ENOX1: variants seen among roughly 807,000 people sequenced by gnomAD.
ENOX1 encodes the protein candidate growth-related and time keeping constitutive hydroquinone (NADH) oxidase.
Under a neutral mutation model 82.5 loss-of-function variants are expected in ENOX1, and 42 were observed. That is an observed-to-expected ratio of 0.51 (90% CI 0.40 to 0.66). The LOEUF (loss-of-function observed/expected upper bound fraction) is 0.66. ENOX1 is among the 30% of genes least tolerant of loss of function. ENOX1 has a pLI of 0.00. For synonymous variants in ENOX1, 271 were observed against 282.2 expected (o/e 0.96, Z 0.40); for missense variants, 608 against 811.6 (o/e 0.75, Z 3.05).
intron 2 of ENOX1, among the ~76,000 whole-genome samples, chr13:43,595,943 TATTA>T (rs35133673): frequency 0.32 from 49,182 of 151,752 alleles, 10,644 homozygotes; most frequent in East Asian, 0.73. Flanking sequence ...TATATGCTCT[TATTA>T]ATTGTTTCTA....
chr13:43,744,346 A>G (rs1949909413), intron 1 of ENOX1, among the ~76,000 whole-genome samples: 1 of 152,136 alleles, frequency 6.6e-6, no homozygotes, highest in African/African-American at 2.4e-5. Flanking sequence ...GACCCTAATA[A>G]ACCCCTCAGG....
intron 4 of ENOX1, 26 bp downstream of exon 4, chr13:43,412,818 TG>T: frequency 6.2e-7 from 1 of 1,611,910 alleles, no homozygotes; most frequent in South Asian, 1.1e-5. Context: ...TCCTTGTTTG[TG>T]TCCTGTGCTG....
intron 2 of ENOX1, among the ~76,000 whole-genome samples, chr13:43,612,835 C>T (rs543278527): frequency 6.9e-6 from 1 of 145,782 alleles, no homozygotes; most frequent in South Asian, 2.3e-4. Context: ...ATTTATGTAT[C>T]ACTACCTTTC....
chr13:43,214,965 T>C (rs1221725658), intron 16 of ENOX1, among the ~76,000 whole-genome samples: 2 of 152,200 alleles, frequency 1.3e-5, no homozygotes, highest in East Asian at 1.9e-4. Flanking sequence ...ACAAGTTAAA[T>C]GACCCTTACA....
chr13:43,356,182 A>T, intron 7 of ENOX1, 30 bp from the exon 8 acceptor site: 1 of 1,602,990 alleles, frequency 6.2e-7, no homozygotes, highest in African/African-American at 1.3e-5. Flanking sequence ...TGGTCACACC[A>T]TAATGTAACA....
chr13:43,467,334 G>A (rs1347079360), intron 3 of ENOX1, among the ~76,000 whole-genome samples: 2 of 152,032 alleles, frequency 1.3e-5, no homozygotes, highest in East Asian at 1.9e-4. Flanking sequence ...TATATTTACT[G>A]TCTAAAAATG....
chr13:43,507,578 C>T (rs922471858), intron 2 of ENOX1, among the ~76,000 whole-genome samples: 5 of 152,018 alleles, frequency 3.3e-5, no homozygotes, highest in African/African-American at 1.2e-4. Flanking sequence ...AAGTCACTTT[C>T]AGATATACAA....
At chr13:43,485,077 C>G (rs1435187104) in intron 2 of ENOX1, among the ~76,000 whole-genome samples, 1 of 152,206 alleles carries the variant, frequency 6.6e-6, no homozygotes, top group Non-Finnish European at 1.5e-5. Flanking sequence ...GAGCCCACAT[C>G]CTCTATGGCT....
intron 1 of ENOX1, among the ~76,000 whole-genome samples, chr13:43,713,226 T>C (rs201927479): frequency 0.11 from 17,332 of 152,040 alleles, 1,772 homozygotes; most frequent in African/African-American, 0.27. Context: ...TATTGATTTG[T>C]GTATATTGAA....
At chr13:43,605,455 A>G (rs115851951) in intron 2 of ENOX1, among the ~76,000 whole-genome samples, 5,213 of 152,272 alleles carry the variant, frequency 0.034, 100 homozygotes, top group Non-Finnish European at 0.04. Context: ...TGGTATAAAA[A>G]CAGACACATA....
intron 1 of ENOX1, among the ~76,000 whole-genome samples, chr13:43,732,663 TG>T (rs1406797438): frequency 6.6e-6 from 1 of 152,230 alleles, no homozygotes; most frequent in Non-Finnish European, 1.5e-5. Context: ...TAAGATATGT[TG>T]CCTCTTAAAT....
intron 3 of ENOX1, among the ~76,000 whole-genome samples, chr13:43,424,272 C>G (rs1167565094): frequency 6.6e-6 from 1 of 152,162 alleles, no homozygotes; most frequent in African/African-American, 2.4e-5. Flanking sequence ...GTTTTGTGCT[C>G]AGCTTTTTCA....
chr13:43,704,689 G>A (rs2087137861), intron 1 of ENOX1, among the ~76,000 whole-genome samples: 1 of 152,138 alleles, frequency 6.6e-6, no homozygotes, highest in Admixed American at 6.6e-5. Context: ...TAAATCCTTG[G>A]CTGATCACTT....
At chr13:43,361,185 G>T in intron 6 of ENOX1, 94 bp downstream of exon 6, 1 of 1,301,624 alleles carries the variant, frequency 7.7e-7, no homozygotes, top group Non-Finnish European at 1.1e-6. Context: ...GCATTTACGT[G>T]TGAGTCACAT....
intron 1 of ENOX1, among the ~76,000 whole-genome samples, chr13:43,668,807 A>C (rs2153789563): frequency 6.6e-6 from 1 of 152,342 alleles, no homozygotes; most frequent in Non-Finnish European, 1.5e-5. Context: ...TGAGCTGAGT[A>C]TTGAAAAAGG....
chr13:43,427,406 G>A (rs1213934504), intron 3 of ENOX1, among the ~76,000 whole-genome samples: 1 of 152,160 alleles, frequency 6.6e-6, no homozygotes, highest in African/African-American at 2.4e-5. Flanking sequence ...TTTTACCCAA[G>A]GTCAGAAAGC....
chr13:43,523,530 G>A (rs1228340373), intron 2 of ENOX1, among the ~76,000 whole-genome samples: 4 of 152,136 alleles, frequency 2.6e-5, no homozygotes, highest in East Asian at 1.9e-4. Context: ...GACTGTGAAC[G>A]GGATCAATGA....
chr13:43,428,072 T>G (rs1186854889), intron 3 of ENOX1, among the ~76,000 whole-genome samples: 1 of 152,152 alleles, frequency 6.6e-6, no homozygotes, highest in Non-Finnish European at 1.5e-5. Context: ...TGAAGATTTG[T>G]TGCACCTTTA....
At chr13:43,218,592 C>A (rs987094828) in intron 16 of ENOX1, among the ~76,000 whole-genome samples, 4 of 152,088 alleles carry the variant, frequency 2.6e-5, no homozygotes, top group Non-Finnish European at 5.9e-5. Context: ...CTCCACTGCA[C>A]TCCAGCTTGG....
Sources: allele counts gnomAD v4.1 joint callset (sites outside exome capture counted in the v4.1 genomes callset), GRCh38; gene constraint gnomAD v4.1.1; transcripts MANE v1.5; gene names NCBI Gene and HGNC (gene_info 2026-07-23, HGNC 2026-07-21).